The following TRAIP variants were observed in gnomAD, a reference collection of about 807,000 sequenced individuals.
The protein encoded by TRAIP is TRAF interacting protein, also known as E3 ubiquitin-protein ligase TRAIP.
In TRAIP, 37 loss-of-function variants were observed where a neutral mutation model predicts 65.0. That is an observed-to-expected ratio of 0.57 (90% confidence interval 0.44 to 0.75). The LOEUF is 0.75. Among genes scored for constraint, TRAIP ranks in the 30% least tolerant of loss-of-function variants. The pLI is 0.00. For synonymous variants in TRAIP, 187 were observed against 219.1 expected (o/e 0.85, Z 1.29); for missense variants, 481 against 579.4 (o/e 0.83, Z 1.74).
At chr3:49,830,168 T>C in intron 11 of TRAIP, 100 bp from the exon 12 acceptor site, 1 of 1,315,182 alleles carries the variant, frequency 7.6e-7, no homozygotes, top group Non-Finnish European at 1.1e-6. Flanking sequence ...CATGTGGCAC[T>C]GCTGCTGCCA....
chr3:49,830,160 T>C (rs2081720090), intron 11 of TRAIP, 92 bp from the exon 12 acceptor site: 6 of 1,377,616 alleles, frequency 4.4e-6, no homozygotes, highest in Non-Finnish European at 6.2e-6. Flanking sequence ...GGAGTTACCA[T>C]GTGGCACTGC....
chr3:49,854,374 T>G (rs2081955246), intron 1 of TRAIP, among the ~76,000 whole-genome samples: 1 of 152,170 alleles, frequency 6.6e-6, no homozygotes, highest in Non-Finnish European at 1.5e-5. Context: ...AATTAAAATA[T>G]TCAACAATAA....
chr3:49,839,558 T>C (rs976359338), intron 10 of TRAIP, among the ~76,000 whole-genome samples: 2 of 152,234 alleles, frequency 1.3e-5, no homozygotes, highest in African/African-American at 4.8e-5. Context: ...AGACCACTTC[T>C]AGGTCCTCTG....
chr3:49,843,945 G>C lies in TRAIP; in HGVS notation c.281-17C>G, dbSNP rs754442050. 1.3e-6 allele frequency: 2 copies of C among 1,595,840 alleles called. No individual in the cohort carries two copies. Among genetic ancestry groups the C allele is most frequent in the South Asian group, 2.2e-5 (2 of 90,472 alleles). On this transcript the variant is annotated splice_polypyrimidine_tract_variant and intron_variant, in intron 4 of 14. Coordinates refer to ENST00000331456, the MANE Select transcript of TRAIP (RefSeq NM_005879.3). The stretch of plus-strand genomic sequence containing the variant: ...TCTCCTTGTCTGGAGCAGGGGTAGA[G>C]GGCGGAGGAAAGGGAAAGGCCTGTC...
intron 1 of TRAIP, among the ~76,000 whole-genome samples, chr3:49,849,888 C>T (rs1691074813): frequency 7.0e-6 from 1 of 143,794 alleles, no homozygotes; most frequent in South Asian, 2.3e-4. Flanking sequence ...AATCTGTCAC[C>T]CAGGCTGGAG....
At chr3:49,855,228 T>C (rs2081960931) in intron 1 of TRAIP, among the ~76,000 whole-genome samples, 1 of 152,114 alleles carries the variant, frequency 6.6e-6, no homozygotes, top group South Asian at 2.1e-4. Flanking sequence ...GGTGGGTGGA[T>C]CACCTGAAGT....
intron 1 of TRAIP, 82 bp from the exon 2 acceptor site, chr3:49,848,282 A>C: frequency 6.8e-7 from 1 of 1,477,498 alleles, no homozygotes; most frequent in Non-Finnish European, 9.4e-7. Context: ...TGACCACGAA[A>C]GGGTCTGTTC....
At chr3:49,845,944 G>A (rs541688173) in intron 3 of TRAIP, among the ~76,000 whole-genome samples, 1 of 152,290 alleles carries the variant, frequency 6.6e-6, no homozygotes, top group South Asian at 2.1e-4. Context: ...AATGAACTCT[G>A]ATCTGACAGA....
chr3:49,829,112 C>T lies in TRAIP; in HGVS notation c.1401G>A (p.Leu467=). The change falls in exon 15 of 15, where the codon CTG becomes CTA. Residue 467 remains leucine (L), a synonymous_variant. Coordinates refer to ENST00000331456, the MANE Select transcript of TRAIP (RefSeq NM_005879.3). The part of the protein sequence containing the change: ...SLFQAKLDTF[L]WS ...GTCAGACTCACTGTTCTCACGACCACAGGAAGGTGTCCAGCTTGGCCTGGA... is the reference window on the plus strand; with the variant it reads ...GTCAGACTCACTGTTCTCACGACCATAGGAAGGTGTCCAGCTTGGCCTGGA... 6.2e-7 allele frequency: 1 copy of T among 1,614,220 alleles called. No individual in the cohort carries two copies. Among genetic ancestry groups the T allele is most frequent in the South Asian group, 1.1e-5 (1 of 91,082 alleles).
rs1344506111 is a variant in TRAIP at position 49,839,730 on chromosome 3, C to G, written c.884+42G>C. On this transcript the variant is annotated intron_variant, in intron 10 of 14. Coordinates refer to ENST00000331456, the MANE Select transcript of TRAIP (RefSeq NM_005879.3). ...GAGTAAAGACTGTTACCAGAAAGCT[C>G]TCCCACCTTGTGACCCCTGTACCGC... The G allele has an allele frequency of 2.5e-6, 4 of 1,570,834 alleles. No individual in the cohort carries two copies. The African/African-American group carries it at 4.0e-5, about 16-fold the overall frequency.
In TRAIP at chr3:49,848,169, G is replaced by A; in HGVS notation, c.130C>T (p.Arg44Trp). The A allele has an allele frequency of 2.5e-6, 4 of 1,614,208 alleles. No individual in the cohort carries two copies. The highest frequency in any genetic ancestry group is 2.5e-6 in the Non-Finnish European group (3 of 1,180,038). Residue 44 changes from arginine (R) to tryptophan (W), a missense_variant, in exon 2 of 15, where the codon CGG (arginine) becomes TGG (tryptophan). Transcript: ENST00000331456. Reference sequence around the variant, plus strand: ...TGGATTCGGCACTGTGGGCAGGTCCGACTTGGTGCTGTCTCAAACCACTGA... The same window carrying A: ...TGGATTCGGCACTGTGGGCAGGTCCAACTTGGTGCTGTCTCAAACCACTGA... ...LIQWFETAPS[R>W]TCPQCRIQVG...
intron 1 of TRAIP, among the ~76,000 whole-genome samples, chr3:49,854,043 T>C (rs868676692): frequency 6.6e-6 from 1 of 151,930 alleles, no homozygotes; most frequent in African/African-American, 2.4e-5. Context: ...AACATACAAT[T>C]GGCCGGTCGT....
chr3:49,848,970 CCAGGTAG>C (rs2081908844), intron 1 of TRAIP, among the ~76,000 whole-genome samples: 1 of 151,980 alleles, frequency 6.6e-6, no homozygotes, highest in Non-Finnish European at 1.5e-5. Flanking sequence ...CCTCAGCCTC[CCAGGTAG>C]CTGGGATTAC....
At chr3:49,830,214 A>G in intron 11 of TRAIP, 146 bp from the exon 12 acceptor site, 1 of 870,916 alleles carries the variant, frequency 1.1e-6, no homozygotes, top group Non-Finnish European at 1.8e-6. Context: ...CAGTGATCCC[A>G]CCCCAAGTGC....
Position 49,847,508 on chromosome 3 carries a change from A to G in TRAIP, c.240+17T>C, listed in dbSNP as rs760200749. 3.2e-6 allele frequency: 5 copies of G among 1,559,778 alleles called. No individual in the cohort carries two copies. Among genetic ancestry groups the G allele is most frequent in the African/African-American group, 2.7e-5 (2 of 73,272 alleles). On this transcript the variant is annotated intron_variant, in intron 3 of 14. Coordinates refer to ENST00000331456, the MANE Select transcript of TRAIP (RefSeq NM_005879.3). Reference sequence around the variant, plus strand: ...ACAAGGCTTGGAGTTCAGTAGAATCAGATAAATTCTGGGTACCTTTAAGAA... The same window carrying G: ...ACAAGGCTTGGAGTTCAGTAGAATCGGATAAATTCTGGGTACCTTTAAGAA...
chr3:49,851,728 G>A (rs1026991625), intron 1 of TRAIP, among the ~76,000 whole-genome samples: 1 of 141,352 alleles, frequency 7.1e-6, no homozygotes, highest in African/African-American at 2.7e-5. Context: ...ACTGAGTCTC[G>A]CTCTGTCACC....
At chr3:49,844,691 G>T in intron 3 of TRAIP, 111 bp from the exon 4 acceptor site, 1 of 1,241,254 alleles carries the variant, frequency 8.1e-7, no homozygotes, top group Non-Finnish European at 1.2e-6. Flanking sequence ...GCCTTCTAGG[G>T]CATGAATCCT....
chr3:49,847,407 AAAGAAAAGAGAAAAGAG>A (rs1460079038), intron 3 of TRAIP, 101 bp downstream of exon 3: 6 of 745,378 alleles, frequency 8.0e-6, no homozygotes, highest in African/African-American at 1.9e-5. Context: ...AAAGAAAAGA[AAAGAAAAGAGAAAAGAG>A]AAGAGAAGAG....
intron 3 of TRAIP, among the ~76,000 whole-genome samples, chr3:49,846,481 G>C (rs1054842201): frequency 5.9e-5 from 9 of 152,146 alleles, no homozygotes; most frequent in African/African-American, 1.7e-4. Flanking sequence ...AGCAAAGTAG[G>C]CTGTACAGGA....
Sources: allele counts gnomAD v4.1 joint callset (sites outside exome capture counted in the v4.1 genomes callset), GRCh38; gene constraint gnomAD v4.1.1; transcripts MANE v1.5; gene names NCBI Gene and HGNC (gene_info 2026-07-23, HGNC 2026-07-21).